The following SETX variants were observed in gnomAD, a reference collection of about 807,000 sequenced individuals.
SETX encodes the protein senataxin.
SETX carries 90 observed loss-of-function variants against 227.2 expected under a neutral mutation model. The observed-to-expected ratio is 0.40, with a 90% CI of 0.33 to 0.47. The LOEUF (loss-of-function observed/expected upper bound fraction) is 0.47, where lower values mean the gene tolerates loss of function less well. Among genes scored for constraint, SETX ranks in the 20% least tolerant of loss-of-function variants. The pLI is 0.91. For synonymous variants in SETX, 1,210 were observed against 1,113.2 expected (o/e 1.09, Z -1.73); for missense variants, 3,052 against 3,181.5 (o/e 0.96, Z 0.98).
At chr9:132,325,114 T>C (rs1352349431) in intron 10 of SETX, among the ~76,000 whole-genome samples, 1 of 152,182 alleles carries the variant, frequency 6.6e-6, no homozygotes, top group Non-Finnish European at 1.5e-5. Flanking sequence ...CCCAGCACTT[T>C]GGGAGGCCAA....
At chr9:132,336,257 C>G in intron 6 of SETX, 39 bp downstream of exon 6, 1 of 1,547,942 alleles carries the variant, frequency 6.5e-7, no homozygotes, top group Non-Finnish European at 8.9e-7. Flanking sequence ...CAGAACTATA[C>G]GAAAATACCA....
At chr9:132,319,339 T>C (rs1458794027) in intron 10 of SETX, among the ~76,000 whole-genome samples, 1 of 152,172 alleles carries the variant, frequency 6.6e-6, no homozygotes, top group African/African-American at 2.4e-5. Flanking sequence ...CAGCAAATGG[T>C]GTGTAAAAAA....
chr9:132,350,505 C>A (rs369390321), intron 2 of SETX, among the ~76,000 whole-genome samples: 1 of 152,092 alleles, frequency 6.6e-6, no homozygotes, highest in Admixed American at 6.6e-5. Context: ...AGAAACTAGG[C>A]TTGGCTGCTG....
intron 11 of SETX, among the ~76,000 whole-genome samples, chr9:132,305,280 G>A (rs1406972078): frequency 2.7e-5 from 4 of 150,484 alleles, no homozygotes; most frequent in Non-Finnish European, 5.9e-5. Flanking sequence ...CGTGAACCCG[G>A]GAGGTGGAGC....
At chr9:132,318,844 G>A (rs553016137) in intron 10 of SETX, among the ~76,000 whole-genome samples, 1 of 152,218 alleles carries the variant, frequency 6.6e-6, no homozygotes, top group African/African-American at 2.4e-5. Context: ...GAAAAAAGGG[G>A]GAAAACCTAA....
At chr9:132,325,363 G>C (rs1212461823) in intron 10 of SETX, among the ~76,000 whole-genome samples, 1 of 135,570 alleles carries the variant, frequency 7.4e-6, no homozygotes, top group Non-Finnish European at 1.6e-5. Flanking sequence ...TCAAAAAAAA[G>C]AAAAAAGAAA....
At chr9:132,312,836 C>A (rs1196830968) in intron 10 of SETX, among the ~76,000 whole-genome samples, 24 of 152,166 alleles carry the variant, frequency 1.6e-4, no homozygotes, top group Non-Finnish European at 3.5e-4. Flanking sequence ...TGGAAACAAC[C>A]CAAATGTCCA....
intron 25 of SETX, among the ~76,000 whole-genome samples, chr9:132,267,856 C>T (rs79322916): frequency 7.9e-5 from 12 of 152,322 alleles, no homozygotes; most frequent in South Asian, 6.2e-4. Context: ...AATCATGATG[C>T]GCCTCATCCA....
intron 15 of SETX, among the ~76,000 whole-genome samples, chr9:132,291,339 T>G (rs1317541004): frequency 6.6e-6 from 1 of 151,998 alleles, no homozygotes; most frequent in Non-Finnish European, 1.5e-5. Context: ...GCTAATTTTT[T>G]GTATTTTTAG....
In SETX at chr9:132,262,144, T is replaced by C. The variant is rs1313504304; in HGVS notation, c.*2095A>G. 6.6e-6 allele frequency: 1 copy of C among 152,256 alleles called. No individual in the cohort carries two copies. Among genetic ancestry groups the C allele is most frequent in the Non-Finnish European group, 1.5e-5 (1 of 68,052 alleles). The allele number at this position is 152,256 out of a possible 1,614,324, so 9.4% of individuals were successfully genotyped here. A position where few individuals can be genotyped will look rare whatever the true frequency, so the allele number is the denominator to read the frequency against. On this transcript the variant is annotated 3_prime_UTR_variant, in exon 26 of 26. Transcript: ENST00000224140. ...TTAATTCTTGCAGAATCAGATCTGC[T>C]GAGTGGTGAACCAACAGGTGAACAC...
intron 3 of SETX, among the ~76,000 whole-genome samples, chr9:132,348,798 C>G (rs1273595826): frequency 6.6e-6 from 1 of 152,094 alleles, no homozygotes; most frequent in Admixed American, 6.6e-5. Context: ...CATGGTGGCA[C>G]ATGCCTGTAG....
rs754200234 is a variant in SETX, at chr9:132,330,177, C to T, written c.1421G>A (p.Cys474Tyr). 1.2e-5 allele frequency: 19 copies of T among 1,592,750 alleles called. No individual in the cohort carries two copies. Among genetic ancestry groups the T allele is most frequent in the Middle Eastern group, 1.7e-4 (1 of 5,948 alleles). ...SVIELHRNKK[C>Y]LHLLWVSSQQ... is the part of the protein sequence containing the mutation. ...GGAACTTACCCACAGCAAATGCAAA[C>T]ATTTTTTATTTCTATGCAGTTCAAT... The change falls in exon 10 of 26, where the codon TGT becomes TAT. Residue 474 changes from cysteine to tyrosine, a missense_variant. Around this residue, in one of 10 missense-constraint regions of SETX, gnomAD observed 179 missense variants for 197.1 expected, o/e 0.91. Transcript: ENST00000224140.
intron 15 of SETX, among the ~76,000 whole-genome samples, chr9:132,291,605 G>A (rs961230338): frequency 6.6e-6 from 1 of 152,208 alleles, no homozygotes; most frequent in Non-Finnish European, 1.5e-5. Flanking sequence ...TCAGGGGAAT[G>A]TTAAGAGAAA....
At position 132,304,047 on chromosome 9, in the gene SETX, G is replaced by A. The variant is rs548048438; in HGVS notation, c.5375-3244C>T. ...AGGCAGGAGAATTGCTTGAACCCGG[G>A]AGGCGGAGGTTGCAGCCACTGCACT... On this transcript the variant is annotated intron_variant, in intron 11 of 25. Coordinates refer to ENST00000224140, the MANE Select transcript of SETX (RefSeq NM_015046.7). Among the ~76,000 whole-genome samples, 110 of 152,284 alleles carry A rather than the reference G, an allele frequency of 7.2e-4. 1 individual carries two copies. The highest frequency in any genetic ancestry group is 2.6e-3 in the African/African-American group (110 of 41,568).
At chr9:132,355,746 G>A (rs547360322), upstream of SETX, among the ~76,000 whole-genome samples, 2 of 152,278 alleles carry the variant, frequency 1.3e-5, no homozygotes, top group Non-Finnish European at 2.9e-5. Context: ...CAGCACTTTG[G>A]GAGGCCGAGG....
chr9:132,316,349 TA>T (rs1372270288), intron 10 of SETX, among the ~76,000 whole-genome samples: 1 of 152,246 alleles, frequency 6.6e-6, no homozygotes, highest in South Asian at 2.1e-4. Flanking sequence ...TTTTAGCTAC[TA>T]ATCTCTTGCC....
At chr9:132,269,440 A>C in intron 25 of SETX, 175 bp downstream of exon 25, 2 of 1,571,400 alleles carry the variant, frequency 1.3e-6, no homozygotes, top group Non-Finnish European at 8.7e-7. Flanking sequence ...TTCTGGGCTG[A>C]AAAAAGGCGA....
rs200362840 is a variant in SETX, at chr9:132,331,672, T to TA, written c.839-225dup. Among the ~76,000 whole-genome samples, 22,609 of 140,646 alleles carry TA rather than the reference T, an allele frequency of 0.16. 2,463 individuals carry two copies. Among genetic ancestry groups the TA allele is most frequent in the East Asian group, 0.43 (2,165 of 4,980 alleles). 92.3% of individuals were successfully genotyped at this position (140,646 alleles called of 152,430 possible). Reference sequence around the variant, plus strand: ...TGCAAGCAATACTATGATACGTCTGTAAAAAAAAAAAAAAATTTAGTGGCA... The same window carrying TA: ...TGCAAGCAATACTATGATACGTCTGTAAAAAAAAAAAAAAAATTTAGTGGCA... On this transcript the variant is annotated intron_variant, in intron 7 of 25. Transcript: ENST00000224140.
chr9:132,331,319 C>T lies in SETX; in HGVS notation c.968G>A (p.Ser323Asn), dbSNP rs372193033. The T allele has an allele frequency of 2.2e-4, 358 of 1,613,980 alleles. No homozygotes were observed. The highest frequency in any genetic ancestry group is 2.8e-4 in the Non-Finnish European group (332 of 1,180,000). Residue 323 changes from serine (S) to asparagine (N), a missense_variant, in exon 8 of 26, where the codon AGC (serine) becomes AAC (asparagine). Transcript: ENST00000224140. Reference sequence around the variant, plus strand: ...TATATGTCGGATCTCTCTATTGTAGCTTGCGTTGTTGATAATGGTTTGAAA... The same window carrying T: ...TATATGTCGGATCTCTCTATTGTAGTTTGCGTTGTTGATAATGGTTTGAAA... ...VAFQTIINNA[S>N]YNREIRHIRN...
Sources: gnomAD v4.1 joint callset for allele counts (sites outside exome capture counted in the v4.1 genomes callset) on GRCh38, gnomAD v4.1.1 for gene constraint, gnomAD v4.1.1 regional missense constraint, MANE v1.5 for transcripts, NCBI Gene and HGNC (gene_info 2026-07-23, HGNC 2026-07-21) for gene names.